The following CSGALNACT2 variants were observed in gnomAD, a reference collection of about 807,000 sequenced individuals.
CSGALNACT2 encodes beta 4 GalNAcT-2.
CSGALNACT2 carries 35 observed loss-of-function variants against 55.3 expected under a neutral mutation model. The ratio of observed to expected loss-of-function variants is 0.63; its 90% confidence interval spans 0.48 to 0.84. The LOEUF (loss-of-function observed/expected upper bound fraction) is 0.84, where lower values mean the gene tolerates loss of function less well. CSGALNACT2 is among the 40% of genes least tolerant of loss of function. The pLI, the probability that CSGALNACT2 is intolerant of heterozygous loss-of-function variation, is 0.00. For synonymous variants in CSGALNACT2, 196 were observed against 224.9 expected (o/e 0.87, Z 1.15); for missense variants, 544 against 657.5 (o/e 0.83, Z 1.89).
chr10:43,153,087 G>A lies in CSGALNACT2; in HGVS notation c.-253-1810G>A, dbSNP rs559454222. 4.6e-4 allele frequency among the ~76,000 whole-genome samples: 70 copies of A among 151,758 alleles called. 1 individual carries two copies. The highest frequency in any genetic ancestry group is 3.2e-3 in the Admixed American group (49 of 15,262). ...GTAAAAGACTCCCTTGGCCAGGCGC[G>A]GTGGCTAATCCCAGCACTTTGGGAG... On this transcript the variant is annotated intron_variant, in intron 1 of 7. Transcript: ENST00000374466.
chr10:43,180,649 G>A (rs1035769771), intron 7 of CSGALNACT2, among the ~76,000 whole-genome samples: 25 of 152,114 alleles, frequency 1.6e-4, no homozygotes, highest in Admixed American at 5.9e-4. Flanking sequence ...TTAACTTTTA[G>A]TATACCTTGT....
rs114846259 is a variant in CSGALNACT2 at position 43,140,456 on chromosome 10, C to T, written c.-254+1889C>T. ...AAGCATAACTATTATGAGTTCAAGACGTAAGTGATTCATTCATTACCATGT... is the reference window on the plus strand; with the variant it reads ...AAGCATAACTATTATGAGTTCAAGATGTAAGTGATTCATTCATTACCATGT... On this transcript the variant is annotated intron_variant, in intron 1 of 7. Transcript: ENST00000374466. 6.0e-3 allele frequency among the ~76,000 whole-genome samples: 920 copies of T among 152,214 alleles called. 10 individuals carry two copies. The highest frequency in any genetic ancestry group is 0.021 in the African/African-American group (868 of 41,530).
chr10:43,173,197 T>C (rs1588911647), intron 6 of CSGALNACT2, among the ~76,000 whole-genome samples: 1 of 152,116 alleles, frequency 6.6e-6, no homozygotes, highest in Non-Finnish European at 1.5e-5. Context: ...GATTCAGAGA[T>C]AGGGCTGACA....
chr10:43,179,282 T>A (rs1049481338), intron 7 of CSGALNACT2, among the ~76,000 whole-genome samples: 1 of 151,658 alleles, frequency 6.6e-6, no homozygotes, highest in African/African-American at 2.4e-5. Context: ...ATGTCACATC[T>A]TCTTGTTTCT....
At chr10:43,158,138 A>G (rs908373617) in intron 2 of CSGALNACT2, among the ~76,000 whole-genome samples, 2 of 151,548 alleles carry the variant, frequency 1.3e-5, no homozygotes, top group African/African-American at 2.4e-5. Context: ...CTTTGACTTC[A>G]CTCTAGTCAG....
At position 43,148,351 on chromosome 10, in the gene CSGALNACT2, T is replaced by C. The variant is rs1035473651; in HGVS notation, c.-253-6546T>C. On this transcript the variant is annotated intron_variant, in intron 1 of 7. Coordinates refer to ENST00000374466, the MANE Select transcript of CSGALNACT2 (RefSeq NM_018590.5). ...TTTTCCTTCAATTTCATTTTTCTTG[T>C]TCAATATTATTTGGGTTATTCTGGG... Among the ~76,000 whole-genome samples, 4 of 152,200 alleles carry C rather than the reference T, an allele frequency of 2.6e-5. No individual in the cohort carries two copies. In the South Asian group the frequency reaches 8.3e-4, roughly 31 times the overall value.
At chr10:43,139,796 G>T (rs1203782822) in intron 1 of CSGALNACT2, among the ~76,000 whole-genome samples, 1 of 152,208 alleles carries the variant, frequency 6.6e-6, no homozygotes, top group Non-Finnish European at 1.5e-5. Flanking sequence ...CTATTTCATG[G>T]TATTGTATTA....
In CSGALNACT2 at chr10:43,183,865, T is replaced by C. The variant is rs1295207842; in HGVS notation, c.*323T>C. On this transcript the variant is annotated 3_prime_UTR_variant, in exon 8 of 8. Coordinates refer to ENST00000374466, the MANE Select transcript of CSGALNACT2 (RefSeq NM_018590.5). ...GATTGCATGGTGTCCTGATTGCATC[T>C]AGGTGGAGCGGATGGAATGTGCTGG... 2.3e-5 allele frequency: 8 copies of C among 343,558 alleles called. No homozygotes were observed. Among genetic ancestry groups the C allele is most frequent in the African/African-American group, 4.2e-5 (2 of 47,602 alleles). 21.3% of individuals were successfully genotyped at this position (343,558 alleles called of 1,614,324 possible). A position where few individuals can be genotyped will look rare whatever the true frequency, so the allele number is the denominator to read the frequency against.
chr10:43,174,336 G>C (rs1023098954), intron 6 of CSGALNACT2, among the ~76,000 whole-genome samples: 1 of 152,140 alleles, frequency 6.6e-6, no homozygotes, highest in South Asian at 2.1e-4. Flanking sequence ...AGCAATTTCA[G>C]ACTGTGCCCA....
Position 43,184,212 on chromosome 10 carries a change from T to C in CSGALNACT2, c.*670T>C, listed in dbSNP as rs1230058142. 2.0e-5 allele frequency: 3 copies of C among 152,338 alleles called. No homozygotes were observed. The highest frequency in any genetic ancestry group is 7.2e-5 in the African/African-American group (3 of 41,460). The allele number at this position is 152,338 out of a possible 1,614,324, so 9.4% of individuals were successfully genotyped here. ...TGATTAAAAATATGTTATTACATTA[T>C]CATGTTCAGGATTAGGATTAGTAGT... On this transcript the variant is annotated 3_prime_UTR_variant, in exon 8 of 8. Transcript: ENST00000374466.
intron 2 of CSGALNACT2, among the ~76,000 whole-genome samples, chr10:43,156,219 C>T (rs1418202926): frequency 6.6e-6 from 1 of 152,126 alleles, no homozygotes; most frequent in Non-Finnish European, 1.5e-5. Flanking sequence ...TTAGTAGACT[C>T]TTAGCTATTT....
intron 1 of CSGALNACT2, among the ~76,000 whole-genome samples, chr10:43,143,776 G>A (rs1838684157): frequency 6.6e-6 from 1 of 152,064 alleles, no homozygotes; most frequent in Non-Finnish European, 1.5e-5. Context: ...CCAGAAACAC[G>A]CTGTTAAAAG....
At position 43,158,949 on chromosome 10, in the gene CSGALNACT2, A is replaced by G; in HGVS notation, c.878+18A>G. ...AACTTCAGGTAACTGTCAGGGCTTA[A>G]TGATTAAGCTACATTCTCCTAAAAA... On this transcript the variant is annotated intron_variant, in intron 3 of 7. Transcript: ENST00000374466. 7.0e-7 allele frequency: 1 copy of G among 1,436,476 alleles called. No homozygotes were observed. Among genetic ancestry groups the G allele is most frequent in the Non-Finnish European group, 9.8e-7 (1 of 1,021,318 alleles). 89.0% of individuals were successfully genotyped at this position (1,436,476 alleles called of 1,614,324 possible). A position where few individuals can be genotyped will look rare whatever the true frequency, so the allele number is the denominator to read the frequency against.
chr10:43,158,182 A>G (rs1839059747), intron 2 of CSGALNACT2, among the ~76,000 whole-genome samples: 1 of 55,644 alleles, frequency 1.8e-5, no homozygotes, highest in South Asian at 4.3e-4. Flanking sequence ...ACACACATAT[A>G]TATATACAGA....
intron 7 of CSGALNACT2, among the ~76,000 whole-genome samples, chr10:43,177,981 G>T (rs1045586614): frequency 2.0e-5 from 3 of 152,170 alleles, no homozygotes; most frequent in Non-Finnish European, 4.4e-5. Context: ...GGTATTGATT[G>T]TGACTCTGAT....
rs61579799 is a variant in CSGALNACT2, at chr10:43,175,930, GTT to G, written c.1255-9_1255-8del. ...TTCTTATGGAATTAAATTGTTTTCT[GTT>G]TTTTTTTTTTTAACTAAGGTTCACA... On this transcript the variant is annotated intron_variant, in intron 6 of 7. Transcript: ENST00000374466. 57,687 of 1,167,678 alleles carry G rather than the reference GTT, an allele frequency of 0.049. 34 individuals carry two copies. Among genetic ancestry groups the G allele is most frequent in the African/African-American group, 0.063 (3,843 of 60,584 alleles). The allele number at this position is 1,167,678 out of a possible 1,614,324, so 72.3% of individuals were successfully genotyped here.
At chr10:43,153,487 C>T (rs1418883842) in intron 1 of CSGALNACT2, among the ~76,000 whole-genome samples, 41 of 150,464 alleles carry the variant, frequency 2.7e-4, no homozygotes, top group Admixed American at 9.9e-4. Context: ...ATGTTTTATA[C>T]AGACATGTTA....
At chr10:43,144,277 C>G (rs1214565594) in intron 1 of CSGALNACT2, among the ~76,000 whole-genome samples, 1 of 152,126 alleles carries the variant, frequency 6.6e-6, no homozygotes, top group Non-Finnish European at 1.5e-5. Context: ...GGAAATGATG[C>G]ATAACATTTG....
At chr10:43,138,715 A>G (rs2133080146) in intron 1 of CSGALNACT2, 148 bp downstream of exon 1, 1 of 152,304 alleles carries the variant, frequency 6.6e-6, no homozygotes, top group Admixed American at 6.5e-5. Context: ...TCTCTCAGGG[A>G]TGAGCCTGCC....
Sources: allele counts gnomAD v4.1 joint callset (sites outside exome capture counted in the v4.1 genomes callset), GRCh38; gene constraint gnomAD v4.1.1; transcripts MANE v1.5; gene names NCBI Gene and HGNC (gene_info 2026-07-23, HGNC 2026-07-21).